The following SPART variants were observed in gnomAD, a reference collection of about 807,000 sequenced individuals.
SPART encodes spastic paraplegia 20 (Troyer syndrome).
A neutral mutation model predicts 58.7 loss-of-function variants in SPART; 35 were observed. The ratio of observed to expected loss-of-function variants is 0.60; its 90% CI spans 0.46 to 0.79. SPART has a LOEUF of 0.79. SPART is among the 30% of genes least tolerant of loss of function. SPART has a pLI of 0.00. For synonymous variants in SPART, 284 were observed against 280.7 expected, an observed-to-expected ratio of 1.01 and a Z score of -0.12; for missense variants, 730 against 786.1, an observed-to-expected ratio of 0.93 and a Z score of 0.85.
intron 5 of SPART, among the ~76,000 whole-genome samples, chr13:36,323,400 T>G (rs966397910): frequency 1.3e-5 from 2 of 152,234 alleles, no homozygotes; most frequent in African/African-American, 4.8e-5. Context: ...GCCGCTGCCT[T>G]CTTAAAGTGT....
intron 1 of SPART, among the ~76,000 whole-genome samples, chr13:36,369,929 C>T (rs1219517648): frequency 6.6e-6 from 1 of 152,082 alleles, no homozygotes; most frequent in Non-Finnish European, 1.5e-5. Context: ...AGAACTTTGA[C>T]GATGTTGTGG....
At chr13:36,319,715 C>A (rs1423443515) in intron 5 of SPART, among the ~76,000 whole-genome samples, 6 of 141,304 alleles carry the variant, frequency 4.2e-5, no homozygotes, top group Non-Finnish European at 7.9e-5. Context: ...TTTACTATCC[C>A]TTTGCACCCT....
chr13:36,327,926 G>A (rs568502699), intron 4 of SPART, among the ~76,000 whole-genome samples: 55 of 152,256 alleles, frequency 3.6e-4, no homozygotes, highest in African/African-American at 1.1e-3. Flanking sequence ...CCCGGGAGGC[G>A]GAGGTTGCAG....
chr13:36,315,053 T>C (rs1414595621), intron 5 of SPART, among the ~76,000 whole-genome samples: 6 of 152,206 alleles, frequency 3.9e-5, no homozygotes, highest in Admixed American at 6.5e-5. Flanking sequence ...CTCAAATGCA[T>C]GAGTAGAGAA....
chr13:36,307,334 AAAC>A (rs1880610687), intron 8 of SPART, among the ~76,000 whole-genome samples: 1 of 152,132 alleles, frequency 6.6e-6, no homozygotes, highest in African/African-American at 2.4e-5. Flanking sequence ...CAGTTATACA[AAAC>A]TGGTTTTGGG....
intron 1 of SPART, among the ~76,000 whole-genome samples, chr13:36,367,531 CTG>C (rs921994596): frequency 2.0e-5 from 3 of 152,158 alleles, no homozygotes; most frequent in African/African-American, 7.2e-5. Context: ...ATCCCTCTGT[CTG>C]TGTACAGGGG....
chr13:36,345,719 G>C (rs1202044603), intron 1 of SPART: 1 of 152,188 alleles, frequency 6.6e-6, no homozygotes. Context: ...AGAATGTATT[G>C]TAAAGAGTAA....
chr13:36,307,223 T>C (rs966224970), intron 8 of SPART, among the ~76,000 whole-genome samples: 2 of 152,086 alleles, frequency 1.3e-5, no homozygotes, highest in African/African-American at 4.8e-5. Flanking sequence ...ACACTACCAA[T>C]TGAAAAATAA....
chr13:36,355,623 G>T (rs576833260), intron 1 of SPART, among the ~76,000 whole-genome samples: 16 of 152,318 alleles, frequency 1.1e-4, no homozygotes, highest in Non-Finnish European at 2.1e-4. Context: ...AACTGTGAAA[G>T]TGTAAAATCA....
intron 1 of SPART, among the ~76,000 whole-genome samples, chr13:36,359,277 G>A (rs1885744451): frequency 6.6e-6 from 1 of 152,212 alleles, no homozygotes; most frequent in African/African-American, 2.4e-5. Context: ...TCAAGGTCTT[G>A]TGACTAGTAA....
At chr13:36,363,688 G>A (rs561096918) in intron 1 of SPART, among the ~76,000 whole-genome samples, 1 of 151,994 alleles carries the variant, frequency 6.6e-6, no homozygotes, top group African/African-American at 2.4e-5. Flanking sequence ...GAATTATCTG[G>A]CAACACCGAA....
chr13:36,329,844 T>TCA (rs1288697003), intron 3 of SPART, among the ~76,000 whole-genome samples: 2 of 152,230 alleles, frequency 1.3e-5, no homozygotes, highest in African/African-American at 4.8e-5. Context: ...TAAATTTTAG[T>TCA]TAACATGTAC....
In SPART at chr13:36,331,650, A is replaced by G. The variant is rs1055426932; in HGVS notation, c.811-54T>C. ...TATACATATAAATAAATGAAACTAG[A>G]TTTTCATTTATGTTTTAATAAAATT... On this transcript the variant is annotated intron_variant, in intron 2 of 8. Transcript: ENST00000438666. The G allele has an allele frequency of 2.2e-5, 28 of 1,249,098 alleles. No individual in the cohort carries two copies. The Admixed American group carries it at 4.1e-4, about 18-fold the overall frequency. The allele number at this position is 1,249,098 out of a possible 1,614,324, so 77.4% of individuals were successfully genotyped here. A position where few individuals can be genotyped will look rare whatever the true frequency, so the allele number is the denominator to read the frequency against.
rs1054144 is a variant in SPART, at chr13:36,303,757, G to A, written c.*608C>T. On this transcript the variant is annotated 3_prime_UTR_variant, in exon 9 of 9. Transcript: ENST00000438666. The stretch of plus-strand genomic sequence containing the variant: ...ATTTTTATTTATTTTAAATCAAAGA[G>A]ACCATTCCATTTCCTAACAAACAGG... 0.24 allele frequency: 37,203 copies of A among 153,214 alleles called. 4,935 individuals are homozygous for A. Among genetic ancestry groups the A allele is most frequent in the East Asian group, 0.51 (2,645 of 5,174 alleles). 9.5% of individuals were successfully genotyped at this position (153,214 alleles called of 1,614,324 possible). A position where few individuals can be genotyped will look rare whatever the true frequency, so the allele number is the denominator to read the frequency against.
chr13:36,352,844 C>T (rs775713083), intron 1 of SPART, among the ~76,000 whole-genome samples: 1 of 152,014 alleles, frequency 6.6e-6, no homozygotes, highest in African/African-American at 2.4e-5. Flanking sequence ...CCTGTAGCTC[C>T]AGCTACTTGG....
At chr13:36,341,491 T>C (rs186729854) in intron 1 of SPART, among the ~76,000 whole-genome samples, 5 of 152,342 alleles carry the variant, frequency 3.3e-5, no homozygotes, top group East Asian at 3.9e-4. Flanking sequence ...ACTGAAAAGA[T>C]AGTTCAATTC....
chr13:36,326,663 A>G lies in SPART; in HGVS notation c.1200T>C (p.Ser400=), dbSNP rs1236173828. 2 of 1,613,210 alleles carry G rather than the reference A, an allele frequency of 1.2e-6. No homozygotes were observed. The highest frequency in any genetic ancestry group is 1.3e-5 in the African/African-American group (1 of 74,966). The change falls in exon 5 of 9, where the codon AGT becomes AGC. Residue 400 remains serine (S), a synonymous_variant. Transcript: ENST00000438666. ...KDTSSEEVNL[S]HIVPCEPVPE... ...GAACTGGCTCACATGGTACAATGTG[A>G]CTCAGGTTAACTTCTTCACTTGAAG...
intron 1 of SPART, among the ~76,000 whole-genome samples, chr13:36,341,152 T>C (rs1884541975): frequency 6.6e-6 from 1 of 152,140 alleles, no homozygotes; most frequent in South Asian, 2.1e-4. Flanking sequence ...AGAAAAATGA[T>C]ACAAGCTGAC....
At chr13:36,306,595 C>A (rs1880530323) in intron 8 of SPART, among the ~76,000 whole-genome samples, 1 of 152,132 alleles carries the variant, frequency 6.6e-6, no homozygotes, top group South Asian at 2.1e-4. Context: ...CAGTTTGATA[C>A]CTCCAGCTGC....
Sources: allele counts gnomAD v4.1 joint callset (sites outside exome capture counted in the v4.1 genomes callset), GRCh38; gene constraint gnomAD v4.1.1; transcripts MANE v1.5; gene names NCBI Gene and HGNC (gene_info 2026-07-23, HGNC 2026-07-21).